Variants in TMPRSS15 observed in about 807,000 individuals in gnomAD.
The protein encoded by TMPRSS15 is enteropeptidase.
Under a neutral mutation model 125.3 loss-of-function variants are expected in TMPRSS15, and 128 were observed. The observed-to-expected ratio is 1.02, with a 90% CI of 0.89 to 1.18. The LOEUF is 1.18. Among genes scored for constraint, TMPRSS15 ranks in the 50% most tolerant of loss-of-function variants. The probability of loss-of-function intolerance (pLI) is 0.00; values close to 1 mark genes in which losing one functional copy is unlikely to be tolerated. For synonymous variants in TMPRSS15, 446 were observed against 423.2 expected, an observed-to-expected ratio of 1.05 and a Z score of -0.66; for missense variants, 1,283 against 1,212.7, an observed-to-expected ratio of 1.06 and a Z score of -0.86.
At chr21:18,475,437 C>T (rs528649948) in intron 1 of TMPRSS15, among the ~76,000 whole-genome samples, 5 of 152,094 alleles carry the variant, frequency 3.3e-5, no homozygotes, top group East Asian at 3.9e-4. Flanking sequence ...ACTAAAAATA[C>T]GAAAATTAGC....
chr21:18,363,444 C>CTA (rs1462057392), intron 7 of TMPRSS15, among the ~76,000 whole-genome samples: 1 of 152,074 alleles, frequency 6.6e-6, no homozygotes. Context: ...CATAAACCCT[C>CTA]TAAATGTGAC....
At chr21:18,371,049 G>T (rs1400521015) in intron 6 of TMPRSS15, among the ~76,000 whole-genome samples, 1 of 152,026 alleles carries the variant, frequency 6.6e-6, no homozygotes, top group South Asian at 2.1e-4. Context: ...ATATCAGTTA[G>T]ACTTATCCAA....
At position 18,389,824 on chromosome 21, in the gene TMPRSS15, A is replaced by G. The variant is rs576312484; in HGVS notation, c.345-6046T>C. 1.6e-4 allele frequency among the ~76,000 whole-genome samples: 24 copies of G among 152,232 alleles called. No homozygotes were observed. The East Asian group carries it at 1.9e-3, about 12-fold the overall frequency. On this transcript the variant is annotated intron_variant, in intron 3 of 24. Coordinates refer to ENST00000284885, the MANE Select transcript of TMPRSS15 (RefSeq NM_002772.3). ...TGTTACTGATGTCAGAACTTTTGTG[A>G]TGATCCGATACCAATTATTTTGTCC...
At chr21:18,382,206 G>A (rs1049499027) in intron 4 of TMPRSS15, among the ~76,000 whole-genome samples, 2 of 152,102 alleles carry the variant, frequency 1.3e-5, no homozygotes, top group South Asian at 4.1e-4. Flanking sequence ...CTCCCTGATT[G>A]GGGGATAGTA....
At chr21:18,423,259 C>G (rs2076195932) in intron 1 of TMPRSS15, among the ~76,000 whole-genome samples, 1 of 152,178 alleles carries the variant, frequency 6.6e-6, no homozygotes, top group Non-Finnish European at 1.5e-5. Context: ...CTCCCAAATG[C>G]AGAGGCAGCA....
intron 1 of TMPRSS15, among the ~76,000 whole-genome samples, chr21:18,400,580 G>A (rs1011107797): frequency 3.3e-5 from 5 of 152,018 alleles, no homozygotes; most frequent in South Asian, 2.1e-4. Context: ...AAAAATTAAC[G>A]CAAGATAAAT....
intron 18 of TMPRSS15, among the ~76,000 whole-genome samples, chr21:18,302,450 A>C (rs1194887037): frequency 2.6e-5 from 4 of 152,174 alleles, no homozygotes; most frequent in Non-Finnish European, 5.9e-5. Flanking sequence ...TTTCCACTAC[A>C]ATTATTTAAC....
intron 1 of TMPRSS15, among the ~76,000 whole-genome samples, chr21:18,435,391 T>C (rs976151577): frequency 7.2e-5 from 11 of 152,244 alleles, no homozygotes; most frequent in African/African-American, 2.7e-4. Flanking sequence ...GAGATAATCA[T>C]GTGGCTTTTG....
chr21:18,315,261 G>T lies in TMPRSS15; in HGVS notation c.1922-5C>A, dbSNP rs775343840. On this transcript the variant is annotated splice_polypyrimidine_tract_variant and splice_region_variant and intron_variant, in intron 16 of 24. Coordinates refer to ENST00000284885, the MANE Select transcript of TMPRSS15 (RefSeq NM_002772.3). ...AATGGTCTGCCTTGCATGGCTCTATGGGGAAAGAATGTTTATTGTATAGGA... is the reference window on the plus strand; with the variant it reads ...AATGGTCTGCCTTGCATGGCTCTATTGGGAAAGAATGTTTATTGTATAGGA... 1.2e-6 allele frequency: 2 copies of T among 1,604,358 alleles called. No homozygotes were observed. Among genetic ancestry groups the T allele is most frequent in the Non-Finnish European group, 8.5e-7 (1 of 1,172,164 alleles).
chr21:18,294,137 G>T, intron 21 of TMPRSS15, 133 bp downstream of exon 21: 1 of 1,040,964 alleles, frequency 9.6e-7, no homozygotes, highest in Non-Finnish European at 1.4e-6. Flanking sequence ...GAAAATAATT[G>T]GAATGTTTAT....
intron 1 of TMPRSS15, among the ~76,000 whole-genome samples, chr21:18,485,454 T>A (rs1405046985): frequency 6.6e-6 from 1 of 152,038 alleles, no homozygotes; most frequent in East Asian, 1.9e-4. Context: ...TGGCCTTTTG[T>A]AGATAGCTTT....
intron 3 of TMPRSS15, among the ~76,000 whole-genome samples, chr21:18,391,701 T>C (rs866548499): frequency 3.3e-5 from 5 of 152,184 alleles, no homozygotes; most frequent in Admixed American, 1.3e-4. Flanking sequence ...GGCTGTCTTC[T>C]CCAGAGTCAG....
At chr21:18,353,204 C>T in intron 9 of TMPRSS15, 152 bp from the exon 10 acceptor site, 1 of 750,182 alleles carries the variant, frequency 1.3e-6, no homozygotes, top group Non-Finnish European at 2.1e-6. Flanking sequence ...AACTCTGTTG[C>T]ATTCTATTTA....
At chr21:18,450,131 T>C (rs1478123027) in intron 1 of TMPRSS15, among the ~76,000 whole-genome samples, 1 of 152,170 alleles carries the variant, frequency 6.6e-6, no homozygotes, top group African/African-American at 2.4e-5. Context: ...GCTCATTCAA[T>C]GTACATTTTT....
chr21:18,391,727 GT>G (rs2075992444), intron 3 of TMPRSS15, among the ~76,000 whole-genome samples: 1 of 152,228 alleles, frequency 6.6e-6, no homozygotes, highest in African/African-American at 2.4e-5. Flanking sequence ...GGGGGACTCT[GT>G]GTGGGGGCTC....
chr21:18,341,116 C>T (rs1326665125), intron 13 of TMPRSS15, among the ~76,000 whole-genome samples: 1 of 152,126 alleles, frequency 6.6e-6, no homozygotes, highest in Admixed American at 6.5e-5. Context: ...GGCTGGAGTG[C>T]AGTGACATGA....
Position 18,296,503 on chromosome 21 carries a change from CACACACAT to C in TMPRSS15, c.2261+1223_2261+1230del, listed in dbSNP as rs538490207. Among the ~76,000 whole-genome samples the C allele has an allele frequency of 5.6e-4, 85 of 152,294 alleles. No homozygotes were observed. In the South Asian group the frequency reaches 6.0e-3, roughly 11 times the overall value. On this transcript the variant is annotated intron_variant, in intron 19 of 24. Coordinates refer to ENST00000284885, the MANE Select transcript of TMPRSS15 (RefSeq NM_002772.3). The stretch of plus-strand genomic sequence containing the variant: ...TATAAATGATGTCTCTCTCAAATAG[CACACACAT>C]ACATTATAATAGTGACGTCAATGGA...
intron 16 of TMPRSS15, among the ~76,000 whole-genome samples, chr21:18,325,689 T>A (rs2075281534): frequency 6.6e-6 from 1 of 151,982 alleles, no homozygotes; most frequent in African/African-American, 2.4e-5. Flanking sequence ...AAAGAACCAC[T>A]GAGTTGCCGG....
intron 1 of TMPRSS15, among the ~76,000 whole-genome samples, chr21:18,462,347 TG>T (rs1978566961): frequency 6.6e-6 from 1 of 152,100 alleles, no homozygotes; most frequent in Non-Finnish European, 1.5e-5. Flanking sequence ...TACAAGAAAG[TG>T]TGATGTAGAC....
Sources: allele counts gnomAD v4.1 joint callset (sites outside exome capture counted in the v4.1 genomes callset), GRCh38; gene constraint gnomAD v4.1.1; transcripts MANE v1.5; gene names NCBI Gene and HGNC (gene_info 2026-07-23, HGNC 2026-07-21).